Variants in CACNA2D3 observed in about 807,000 individuals in gnomAD.
CACNA2D3 encodes voltage-dependent calcium channel subunit alpha-2/delta-3.
CACNA2D3 carries 60 observed loss-of-function variants against 160.6 expected under a neutral mutation model. The observed-to-expected ratio is 0.37, with a 90% CI of 0.30 to 0.46. The LOEUF (loss-of-function observed/expected upper bound fraction) is 0.46, where lower values mean the gene tolerates loss of function less well. CACNA2D3 is among the 20% of genes least tolerant of loss of function. CACNA2D3 has a pLI of 1.00. For synonymous variants in CACNA2D3, 558 were observed against 492.9 expected, an observed-to-expected ratio of 1.13 and a Z score of -1.75; for missense variants, 1,205 against 1,365.0, an observed-to-expected ratio of 0.88 and a Z score of 1.85.
intron 9 of CACNA2D3, chr3:54,626,269 G>A (rs915567126): frequency 2.2e-6 from 3 of 1,359,990 alleles, no homozygotes; most frequent in Non-Finnish European, 3.1e-6. Flanking sequence ...CTACCGTGGC[G>A]TGGACCTGGA....
intron 4 of CACNA2D3, among the ~76,000 whole-genome samples, chr3:54,476,790 TA>T (rs1700838520): frequency 6.6e-6 from 1 of 152,224 alleles, no homozygotes; most frequent in Admixed American, 6.5e-5. Context: ...ATGAGTTTCT[TA>T]TCTATCTTGG....
chr3:54,779,078 C>T (rs1010579766), intron 13 of CACNA2D3, among the ~76,000 whole-genome samples: 5 of 152,042 alleles, frequency 3.3e-5, no homozygotes, highest in Non-Finnish European at 5.9e-5. Context: ...TATGATGTTA[C>T]TTTTGCCCAC....
At chr3:54,350,986 G>GTTTTTTTTTTTTTTTTT (rs796392854) in intron 3 of CACNA2D3, among the ~76,000 whole-genome samples, 15 of 65,952 alleles carry the variant, frequency 2.3e-4, no homozygotes, top group East Asian at 1.1e-3. Context: ...TTTTTTGTTT[G>GTTTTTTTTTTTTTTTTT]TTTTTTTTTT....
chr3:54,814,117 A>G (rs921763117), intron 13 of CACNA2D3, among the ~76,000 whole-genome samples: 1 of 151,940 alleles, frequency 6.6e-6, no homozygotes, highest in Admixed American at 6.5e-5. Flanking sequence ...AATCTGCCCA[A>G]CTTGACTTCC....
At chr3:54,357,337 A>G (rs1698666751) in intron 3 of CACNA2D3, among the ~76,000 whole-genome samples, 1 of 152,246 alleles carries the variant, frequency 6.6e-6, no homozygotes, top group Non-Finnish European at 1.5e-5. Context: ...CTCTTGGAAC[A>G]CAACAAATAC....
chr3:54,958,394 A>AT (rs985394713), intron 27 of CACNA2D3, among the ~76,000 whole-genome samples: 14 of 151,872 alleles, frequency 9.2e-5, no homozygotes, highest in African/African-American at 2.7e-4. Flanking sequence ...CCCCACCTCT[A>AT]TTTTTTTAAA....
chr3:54,775,790 G>A (rs1553846824), intron 13 of CACNA2D3, among the ~76,000 whole-genome samples: 1 of 152,150 alleles, frequency 6.6e-6, no homozygotes, highest in Non-Finnish European at 1.5e-5. Flanking sequence ...AGCATTGGCT[G>A]TAGGCAAGAG....
chr3:54,781,072 A>G (rs1408135863), intron 13 of CACNA2D3, among the ~76,000 whole-genome samples: 1 of 152,226 alleles, frequency 6.6e-6, no homozygotes, highest in Non-Finnish European at 1.5e-5. Flanking sequence ...AAGTTATTTA[A>G]GGGTTAAAAT....
intron 9 of CACNA2D3, among the ~76,000 whole-genome samples, chr3:54,612,889 A>G (rs1365433331): frequency 1.3e-4 from 20 of 152,188 alleles, no homozygotes. Flanking sequence ...ACAGTCCTAC[A>G]TTGCTGGGAT....
At chr3:55,013,795 A>T (rs1703263324) in intron 34 of CACNA2D3, among the ~76,000 whole-genome samples, 1 of 152,214 alleles carries the variant, frequency 6.6e-6, no homozygotes, top group Non-Finnish European at 1.5e-5. Context: ...ATTCACAGAA[A>T]CAAAAGAAGA....
intron 5 of CACNA2D3, among the ~76,000 whole-genome samples, chr3:54,519,035 G>A (rs182223902): frequency 9.3e-5 from 14 of 150,848 alleles, no homozygotes; most frequent in South Asian, 2.1e-4. Flanking sequence ...ACCTGCACAC[G>A]GAAGTCATGG....
intron 14 of CACNA2D3, among the ~76,000 whole-genome samples, chr3:54,830,332 C>G (rs530195556): frequency 1.3e-5 from 2 of 152,228 alleles, no homozygotes; most frequent in Non-Finnish European, 2.9e-5. Flanking sequence ...TTTTCCACCT[C>G]TTAGTACTAC....
intron 5 of CACNA2D3, among the ~76,000 whole-genome samples, chr3:54,530,370 A>G (rs540062629): frequency 6.6e-6 from 1 of 152,260 alleles, no homozygotes; most frequent in South Asian, 2.1e-4. Flanking sequence ...GGAGCTGGAA[A>G]AGCTGACACT....
intron 11 of CACNA2D3, among the ~76,000 whole-genome samples, chr3:54,714,798 A>T (rs1701021409): frequency 6.6e-6 from 1 of 152,172 alleles, no homozygotes; most frequent in South Asian, 2.1e-4. Context: ...TGCCTAATTC[A>T]CAATAGCAAA....
intron 10 of CACNA2D3, among the ~76,000 whole-genome samples, chr3:54,635,005 G>T (rs1174432046): frequency 6.6e-6 from 1 of 151,904 alleles, no homozygotes; most frequent in African/African-American, 2.4e-5. Flanking sequence ...AATTTTTGTG[G>T]AGTGGTATGG....
chr3:54,414,769 C>A (rs1458901425), intron 4 of CACNA2D3, among the ~76,000 whole-genome samples: 2 of 150,190 alleles, frequency 1.3e-5, no homozygotes, highest in Non-Finnish European at 3.0e-5. Flanking sequence ...TCTTTCCTAC[C>A]AAAGTCCTTG....
intron 17 of CACNA2D3, among the ~76,000 whole-genome samples, chr3:54,858,219 A>G (rs562509048): frequency 6.6e-6 from 1 of 152,262 alleles, no homozygotes; most frequent in Admixed American, 6.5e-5. Flanking sequence ...GGGGGAAATG[A>G]GCCTCAGCTG....
intron 2 of CACNA2D3, among the ~76,000 whole-genome samples, chr3:54,260,384 A>G (rs1329931304): frequency 1.3e-5 from 2 of 152,194 alleles, no homozygotes; most frequent in Non-Finnish European, 2.9e-5. Flanking sequence ...TCCAGGGTCA[A>G]AGGGCTGCAT....
rs1700740361 is a variant in CACNA2D3, at chr3:54,471,942, A to C, written c.382-31550A>C. ...CGAAAAAAAGTCCTGGACCAGATGA[A>C]TTCACAGCTGAATTCTACCAGAGGT... On this transcript the variant is annotated intron_variant, in intron 4 of 37. Transcript: ENST00000474759. Among the ~76,000 whole-genome samples the C allele has an allele frequency of 2.0e-5, 3 of 152,178 alleles. No individual in the cohort carries two copies. The South Asian group carries it at 6.2e-4, about 32-fold the overall frequency.
Sources: allele counts gnomAD v4.1 joint callset (sites outside exome capture counted in the v4.1 genomes callset), GRCh38; gene constraint gnomAD v4.1.1; transcripts MANE v1.5; gene names NCBI Gene and HGNC (gene_info 2026-07-23, HGNC 2026-07-21).